ANK2: variants seen among roughly 807,000 people sequenced by gnomAD.
ANK2 encodes the protein ankyrin-2.
Under a neutral mutation model 360.5 loss-of-function variants are expected in ANK2, and 83 were observed. That is an observed-to-expected ratio of 0.23 (90% CI 0.19 to 0.28). The LOEUF (loss-of-function observed/expected upper bound fraction) is 0.28. ANK2 is among the 10% of genes least tolerant of loss of function. The pLI, the probability that ANK2 is intolerant of heterozygous loss-of-function variation, is 1.00. For missense variants in ANK2, 4,201 were observed against 4,795.7 expected (o/e 0.88, Z 3.66); for synonymous variants, 1,740 against 1,759.5 (o/e 0.99, Z 0.28).
At chr4:112,791,548 G>A in the ANK2 span, among the ~76,000 whole-genome samples, 1 of 147,736 alleles carries the variant, frequency 6.8e-6, no homozygotes, top group Non-Finnish European at 1.5e-5. Flanking sequence ...GAGTGCTGTG[G>A]CGCGATCTTA....
intron 1 of ANK2, among the ~76,000 whole-genome samples, chr4:113,149,401 T>A (rs2096952037): frequency 6.6e-6 from 1 of 152,126 alleles, no homozygotes; most frequent in South Asian, 2.1e-4. Context: ...TAAATTAGTT[T>A]AAATGGTATA....
intron 22 of ANK2, among the ~76,000 whole-genome samples, chr4:113,298,517 A>T (rs1289908253): frequency 6.6e-6 from 1 of 152,200 alleles, no homozygotes; most frequent in Non-Finnish European, 1.5e-5. Context: ...AGAACAAATC[A>T]GATATTGACT....
At chr4:112,745,444 A>G in the ANK2 span, among the ~76,000 whole-genome samples, 1 of 151,962 alleles carries the variant, frequency 6.6e-6, no homozygotes, top group Non-Finnish European at 1.5e-5. Context: ...GTTACAAACA[A>G]TCCAATTATG....
chr4:112,794,524 TA>T, the ANK2 span, among the ~76,000 whole-genome samples: 1 of 152,232 alleles, frequency 6.6e-6, no homozygotes, highest in Non-Finnish European at 1.5e-5. Context: ...CAAAAAGGTC[TA>T]GTTTGTTTGT....
chr4:113,345,572 A>T (rs1177038960), intron 34 of ANK2, among the ~76,000 whole-genome samples: 1 of 152,208 alleles, frequency 6.6e-6, no homozygotes, highest in Non-Finnish European at 1.5e-5. Context: ...AAGTGTTCTC[A>T]CCACAAAAAA....
chr4:112,717,852 C>T, the ANK2 span, among the ~76,000 whole-genome samples: 1 of 152,136 alleles, frequency 6.6e-6, no homozygotes, highest in Non-Finnish European at 1.5e-5. Context: ...CTAAATTAGA[C>T]TTCTAATTGG....
At chr4:113,260,794 A>G (rs1412316749) in intron 13 of ANK2, among the ~76,000 whole-genome samples, 1 of 152,212 alleles carries the variant, frequency 6.6e-6, no homozygotes, top group East Asian at 1.9e-4. Flanking sequence ...GTGTTTTCTC[A>G]GAACATGAGG....
intron 1 of ANK2, among the ~76,000 whole-genome samples, chr4:113,094,930 T>G (rs1182846739): frequency 6.6e-6 from 1 of 152,254 alleles, no homozygotes; most frequent in Non-Finnish European, 1.5e-5. Context: ...GTGGCTGGAA[T>G]GCATGCTGTA....
At chr4:113,290,541 A>G (rs1319758875) in intron 20 of ANK2, among the ~76,000 whole-genome samples, 1 of 152,210 alleles carries the variant, frequency 6.6e-6, no homozygotes, top group Non-Finnish European at 1.5e-5. Flanking sequence ...CTGGTTAATC[A>G]TATATTTAAT....
At chr4:113,289,279 G>A (rs187122558) in intron 20 of ANK2, among the ~76,000 whole-genome samples, 98 of 147,178 alleles carry the variant, frequency 6.7e-4, no homozygotes, top group African/African-American at 2.2e-3. Context: ...GCAATGGCAC[G>A]ATCAGAGCTC....
the ANK2 span, among the ~76,000 whole-genome samples, chr4:112,811,233 G>A: frequency 6.6e-5 from 10 of 152,206 alleles, no homozygotes; most frequent in Admixed American, 1.3e-4. Flanking sequence ...CACCGCGCCC[G>A]GCCACGAGAC....
the ANK2 span, chr4:112,788,850 T>C: frequency 9.8e-4 from 828 of 847,124 alleles, 2 homozygotes; most frequent in African/African-American, 0.012. Context: ...AGCCACCTTC[T>C]TTCCCTTGGC....
intron 2 of ANK2, among the ~76,000 whole-genome samples, chr4:112,947,562 T>A (rs972383418): frequency 2.0e-5 from 3 of 152,200 alleles, no homozygotes; most frequent in Middle Eastern, 3.4e-3. Flanking sequence ...TGAAAATAAG[T>A]GGGTGCAGTT....
intron 1 of ANK2, among the ~76,000 whole-genome samples, chr4:113,103,819 C>T (rs897011716): frequency 1.3e-5 from 2 of 152,126 alleles, no homozygotes; most frequent in African/African-American, 4.8e-5. Context: ...TATGTACACA[C>T]ATCTGAATAT....
rs770858212 is a variant in ANK2, at chr4:113,343,133, A to G, written c.4239A>G (p.Leu1413=). The G allele has an allele frequency of 3.1e-6, 5 of 1,613,274 alleles. No individual in the cohort carries two copies. Among genetic ancestry groups the G allele is most frequent in the East Asian group, 2.2e-5 (1 of 44,840 alleles). Residue 1413 remains leucine, a synonymous_variant, in exon 34 of 46, where the codon CTA becomes CTG. Transcript: ENST00000357077. ...CCTTCAAAGAAAATAGACTTCCTCT[A>G]TTTGTCAAGGTAATATATACATGGA... ...FFAFKENRLP[L]FVKVRDTTQE...
At chr4:113,335,294 TC>T (rs1260344095) in intron 29 of ANK2, among the ~76,000 whole-genome samples, 1 of 152,190 alleles carries the variant, frequency 6.6e-6, no homozygotes, top group Non-Finnish European at 1.5e-5. Context: ...AGTGAGTACC[TC>T]AGACACAACC....
chr4:112,821,307 C>T (rs910639710), intron 1 of ANK2, among the ~76,000 whole-genome samples: 8 of 152,060 alleles, frequency 5.3e-5, no homozygotes, highest in African/African-American at 1.7e-4. Flanking sequence ...TGTTAGCTTC[C>T]CTAGTAGCTG....
At chr4:113,332,256 A>T (rs1232099613) in intron 28 of ANK2, among the ~76,000 whole-genome samples, 186 bp downstream of exon 28, 2 of 151,958 alleles carry the variant, frequency 1.3e-5, no homozygotes, top group Non-Finnish European at 2.9e-5. Flanking sequence ...TTTTTGAGTG[A>T]TGTTTTTATA....
intron 23 of ANK2, among the ~76,000 whole-genome samples, chr4:113,310,332 C>T (rs1235283968): frequency 6.6e-6 from 1 of 151,702 alleles, no homozygotes; most frequent in African/African-American, 2.4e-5. Flanking sequence ...ACAGGATGCT[C>T]GAACCTAAGT....
Sources: gnomAD v4.1 joint callset for allele counts (sites outside exome capture counted in the v4.1 genomes callset) on GRCh38, gnomAD v4.1.1 for gene constraint, MANE v1.5 for transcripts, NCBI Gene and HGNC (gene_info 2026-07-23, HGNC 2026-07-21) for gene names.